NR3C2: variants seen among roughly 807,000 people sequenced by gnomAD.
NR3C2 encodes nuclear receptor subfamily 3 group C member 2.
A neutral mutation model predicts 86.4 loss-of-function variants in NR3C2; 15 were observed. That is an observed-to-expected ratio of 0.17 (90% CI 0.12 to 0.27). The LOEUF is 0.27. NR3C2 is among the 10% of genes least tolerant of loss of function. The pLI is 1.00. For synonymous variants in NR3C2, 458 were observed against 450.5 expected (o/e 1.02, Z -0.21); for missense variants, 960 against 1,195.6 (o/e 0.80, Z 2.91).
intron 8 of NR3C2, among the ~76,000 whole-genome samples, chr4:148,089,826 C>A (rs1024630423): frequency 4.6e-5 from 7 of 152,248 alleles, no homozygotes; most frequent in African/African-American, 1.7e-4. Context: ...ATGCTTCCAT[C>A]AGGCTAGCAG....
At chr4:148,153,634 G>A (rs992974072) in intron 5 of NR3C2, among the ~76,000 whole-genome samples, 22 of 152,262 alleles carry the variant, frequency 1.4e-4, no homozygotes, top group Admixed American at 3.3e-4. Flanking sequence ...CTAAGAAACT[G>A]CTTTAGATTA....
chr4:148,433,762 T>A (rs776328323), intron 2 of NR3C2, among the ~76,000 whole-genome samples: 13 of 152,056 alleles, frequency 8.5e-5, no homozygotes, highest in Non-Finnish European at 1.8e-4. Context: ...TCACAACACA[T>A]GAAAAAAGTC....
intron 3 of NR3C2, chr4:148,207,970 TA>T (rs1346383253): frequency 1.3e-5 from 2 of 152,218 alleles, no homozygotes; most frequent in African/African-American, 4.8e-5. Context: ...TATCTTATTA[TA>T]CTACACTTAC....
chr4:148,223,645 G>C (rs531857870), intron 3 of NR3C2, among the ~76,000 whole-genome samples: 1 of 152,174 alleles, frequency 6.6e-6, no homozygotes, highest in African/African-American at 2.4e-5. Context: ...TCTGTCAAGT[G>C]AAAGAGAAGA....
chr4:148,387,912 T>C (rs1747350499), intron 2 of NR3C2, among the ~76,000 whole-genome samples: 1 of 152,230 alleles, frequency 6.6e-6, no homozygotes, highest in African/African-American at 2.4e-5. Flanking sequence ...CAAGACAACC[T>C]GCTACCTATT....
At chr4:148,158,885 T>C (rs1274403901) in intron 4 of NR3C2, among the ~76,000 whole-genome samples, 3 of 152,220 alleles carry the variant, frequency 2.0e-5, no homozygotes, top group Non-Finnish European at 4.4e-5. Flanking sequence ...AACTTTATAC[T>C]GTGATTTTGT....
chr4:148,275,462 C>T (rs1285548641), intron 2 of NR3C2, among the ~76,000 whole-genome samples: 2 of 151,134 alleles, frequency 1.3e-5, no homozygotes, highest in Non-Finnish European at 2.9e-5. Context: ...CAGAGTTTCA[C>T]TCTTGTTGCC....
intron 3 of NR3C2, among the ~76,000 whole-genome samples, chr4:148,218,581 G>A (rs1737669861): frequency 6.6e-6 from 1 of 151,878 alleles, no homozygotes; most frequent in Non-Finnish European, 1.5e-5. Context: ...TGCCCAATTA[G>A]TCAATTTACA....
In NR3C2 at chr4:148,215,786, T is replaced by TG. The variant is rs770144230; in HGVS notation, c.1898-20925_1898-20924insC. ...TTAGGCTTTTTGAGGCATAGTTTTT[T>TG]TTTTTTTTTTTGAGATGGAGTCTTG... On this transcript the variant is annotated intron_variant, in intron 3 of 8. Coordinates refer to ENST00000358102, the MANE Select transcript of NR3C2 (RefSeq NM_000901.5). Among the ~76,000 whole-genome samples the TG allele has an allele frequency of 2.5e-3, 371 of 151,050 alleles. 2 individuals carry two copies. Among genetic ancestry groups the TG allele is most frequent in the Non-Finnish European group, 3.8e-3 (260 of 67,648 alleles).
At chr4:148,269,277 G>A (rs1472683842) in intron 2 of NR3C2, among the ~76,000 whole-genome samples, 2 of 152,212 alleles carry the variant, frequency 1.3e-5, no homozygotes, top group African/African-American at 2.4e-5. Flanking sequence ...TGGACTGTGT[G>A]TAGTGTCAAC....
chr4:148,115,020 C>T (rs187562870), intron 7 of NR3C2, among the ~76,000 whole-genome samples: 14 of 152,262 alleles, frequency 9.2e-5, no homozygotes, highest in Admixed American at 4.6e-4. Context: ...TTAGGATTCA[C>T]GTACACTGGT....
At chr4:148,250,663 T>C (rs1364688997) in intron 3 of NR3C2, among the ~76,000 whole-genome samples, 1 of 152,238 alleles carries the variant, frequency 6.6e-6, no homozygotes. Context: ...AGGAAGAGGA[T>C]AAACTTTTTC....
intron 3 of NR3C2, among the ~76,000 whole-genome samples, chr4:148,204,816 C>T (rs756570287): frequency 6.1e-4 from 93 of 152,154 alleles, no homozygotes; most frequent in Non-Finnish European, 1.1e-3. Flanking sequence ...TTACATCATA[C>T]GTAGGATGCC....
At chr4:148,431,496 A>G (rs1433038771) in intron 2 of NR3C2, among the ~76,000 whole-genome samples, 1 of 152,176 alleles carries the variant, frequency 6.6e-6, no homozygotes, top group African/African-American at 2.4e-5. Flanking sequence ...GTCCAAGCAG[A>G]CAGGGGAGTT....
chr4:148,143,999 G>A (rs944774347), intron 6 of NR3C2, among the ~76,000 whole-genome samples: 5 of 147,320 alleles, frequency 3.4e-5, no homozygotes, highest in African/African-American at 1.2e-4. Context: ...GTTAGGAAGT[G>A]TCCCCTCAGT....
chr4:148,221,031 AT>A (rs1737811162), intron 3 of NR3C2, among the ~76,000 whole-genome samples: 3 of 151,680 alleles, frequency 2.0e-5, no homozygotes, highest in Admixed American at 2.0e-4. Context: ...TACCAAGAAT[AT>A]CTGGGGGTGA....
chr4:148,161,897 A>C (rs1208006823), intron 4 of NR3C2, among the ~76,000 whole-genome samples: 1 of 152,192 alleles, frequency 6.6e-6, no homozygotes, highest in Non-Finnish European at 1.5e-5. Context: ...TGGCATTTAC[A>C]ATATATTTGG....
intron 4 of NR3C2, among the ~76,000 whole-genome samples, chr4:148,193,070 C>G (rs1210621938): frequency 6.6e-6 from 1 of 152,230 alleles, no homozygotes; most frequent in Non-Finnish European, 1.5e-5. Context: ...TTACCCCCTG[C>G]TCCTCTGGCC....
intron 4 of NR3C2, among the ~76,000 whole-genome samples, chr4:148,168,627 T>G (rs182190132): frequency 6.6e-6 from 1 of 152,342 alleles, no homozygotes; most frequent in East Asian, 1.9e-4. Flanking sequence ...TTGGAAGGCA[T>G]TTGGTGAAAA....
Sources: gnomAD v4.1 joint callset for allele counts (sites outside exome capture counted in the v4.1 genomes callset) on GRCh38, gnomAD v4.1.1 for gene constraint, MANE v1.5 for transcripts, NCBI Gene and HGNC (gene_info 2026-07-23, HGNC 2026-07-21) for gene names.